Variants in HS6ST3 observed in about 807,000 individuals in gnomAD.
HS6ST3 encodes the protein heparan sulfate 6-O-sulfotransferase 3.
HS6ST3 carries 12 observed loss-of-function variants against 36.7 expected under a neutral mutation model. That is an observed-to-expected ratio of 0.33 (90% CI 0.21 to 0.53). The LOEUF is 0.53. Ranked by LOEUF, HS6ST3 falls within the 20% of genes least tolerant of loss-of-function variation. The pLI is 0.95. For synonymous variants in HS6ST3, 240 were observed against 257.5 expected, an observed-to-expected ratio of 0.93 and a Z score of 0.65; for missense variants, 584 against 640.9, an observed-to-expected ratio of 0.91 and a Z score of 0.96.
intron 1 of HS6ST3, among the ~76,000 whole-genome samples, chr13:96,201,679 T>C (rs970731074): frequency 9.8e-5 from 15 of 152,288 alleles, no homozygotes; most frequent in African/African-American, 3.6e-4. Context: ...ATCCCCTGCT[T>C]TTAGAACGTT....
intron 1 of HS6ST3, among the ~76,000 whole-genome samples, chr13:96,737,183 AG>A (rs1876305275): frequency 6.6e-6 from 1 of 152,228 alleles, no homozygotes; most frequent in Admixed American, 6.5e-5. Context: ...ATTGACAGTA[AG>A]TACAAATGCA....
intron 1 of HS6ST3, among the ~76,000 whole-genome samples, chr13:96,465,054 A>G (rs906530866): frequency 6.6e-6 from 1 of 152,056 alleles, no homozygotes; most frequent in African/African-American, 2.4e-5. Context: ...CTCAATAGTT[A>G]TAAGTAGGCA....
intron 1 of HS6ST3, among the ~76,000 whole-genome samples, chr13:96,313,943 G>C (rs2139410555): frequency 6.6e-6 from 1 of 152,312 alleles, no homozygotes; most frequent in East Asian, 1.9e-4. Context: ...GTTCATGCCT[G>C]TAATCCCAGC....
intron 1 of HS6ST3, among the ~76,000 whole-genome samples, chr13:96,402,726 A>G (rs2139458270): frequency 6.6e-6 from 1 of 152,204 alleles, no homozygotes; most frequent in Admixed American, 6.5e-5. Flanking sequence ...TTCGACATTC[A>G]CTCATGTGGT....
intron 1 of HS6ST3, among the ~76,000 whole-genome samples, chr13:96,399,600 A>G (rs149030652): frequency 6.6e-6 from 1 of 152,366 alleles, no homozygotes; most frequent in African/African-American, 2.4e-5. Flanking sequence ...GTACAAATAT[A>G]AATAAAATAT....
chr13:96,152,428 C>T (rs1378277650), intron 1 of HS6ST3, among the ~76,000 whole-genome samples: 2 of 151,210 alleles, frequency 1.3e-5, no homozygotes, highest in African/African-American at 2.4e-5. Flanking sequence ...AGCTCCGCCT[C>T]CCGGGTTCTC....
intron 1 of HS6ST3, among the ~76,000 whole-genome samples, chr13:96,172,644 A>G (rs1180561243): frequency 6.6e-6 from 1 of 152,228 alleles, no homozygotes; most frequent in Admixed American, 6.5e-5. Context: ...AAACTTCCTT[A>G]AAACAGTCAC....
chr13:96,818,394 G>T (rs1190909400), intron 1 of HS6ST3, among the ~76,000 whole-genome samples: 1 of 152,176 alleles, frequency 6.6e-6, no homozygotes, highest in Non-Finnish European at 1.5e-5. Context: ...CCTGATTAGG[G>T]CTCTGCATTA....
intron 1 of HS6ST3, among the ~76,000 whole-genome samples, chr13:96,124,670 A>C (rs1284460456): frequency 6.6e-6 from 1 of 152,180 alleles, no homozygotes; most frequent in Non-Finnish European, 1.5e-5. Context: ...GGGCATAACC[A>C]GGTAAAGAAT....
chr13:96,193,396 G>T (rs1197650122), intron 1 of HS6ST3, among the ~76,000 whole-genome samples: 1 of 152,116 alleles, frequency 6.6e-6, no homozygotes, highest in Admixed American at 6.5e-5. Flanking sequence ...AGGTAGTGTA[G>T]ATAACTAAAA....
At chr13:96,799,980 A>ATGTATATATATATATGTG (rs1566456834) in intron 1 of HS6ST3, among the ~76,000 whole-genome samples, 1,059 of 76,524 alleles carry the variant, frequency 0.014, 75 homozygotes, top group African/African-American at 0.04. Context: ...ATATATATAT[A>ATGTATATATATATATGTG]TGTATATATA....
chr13:96,531,205 C>T (rs989618454), intron 1 of HS6ST3, among the ~76,000 whole-genome samples: 12 of 152,178 alleles, frequency 7.9e-5, no homozygotes, highest in Admixed American at 2.0e-4. Flanking sequence ...AGTAAAAGTT[C>T]GGAAATCCCT....
At chr13:96,699,515 A>G (rs1165531665) in intron 1 of HS6ST3, among the ~76,000 whole-genome samples, 1 of 152,232 alleles carries the variant, frequency 6.6e-6, no homozygotes, top group East Asian at 1.9e-4. Flanking sequence ...ATCACTGGCC[A>G]TCAGAGAAAT....
chr13:96,553,121 G>T (rs1426924310), intron 1 of HS6ST3, among the ~76,000 whole-genome samples: 1 of 152,126 alleles, frequency 6.6e-6, no homozygotes, highest in Non-Finnish European at 1.5e-5. Flanking sequence ...TGTTTTTGAA[G>T]GAGTCTGTGT....
chr13:96,795,441 A>G (rs888971756), intron 1 of HS6ST3, among the ~76,000 whole-genome samples: 26 of 152,098 alleles, frequency 1.7e-4, no homozygotes, highest in Non-Finnish European at 3.4e-4. Flanking sequence ...AAGAGGTTAT[A>G]TAACTTTCCC....
At chr13:96,544,013 T>G (rs560577737) in intron 1 of HS6ST3, among the ~76,000 whole-genome samples, 3 of 151,480 alleles carry the variant, frequency 2.0e-5, no homozygotes, top group Non-Finnish European at 4.4e-5. Flanking sequence ...GTAAGGGAGA[T>G]CAGGCATAAC....
At chr13:96,801,183 G>C (rs1244747735) in intron 1 of HS6ST3, among the ~76,000 whole-genome samples, 2 of 151,996 alleles carry the variant, frequency 1.3e-5, no homozygotes, top group African/African-American at 4.8e-5. Flanking sequence ...TTACATCAAG[G>C]CTGCTCCATC....
At chr13:96,573,871 G>T in intron 1 of HS6ST3, 1 of 466,632 alleles carries the variant, frequency 2.1e-6, no homozygotes, top group South Asian at 1.6e-5. Flanking sequence ...CCAGCATCAG[G>T]AGCACTGAGC....
chr13:96,112,613 A>ATATATATATATG (rs2053875675), intron 1 of HS6ST3, among the ~76,000 whole-genome samples: 8 of 110,730 alleles, frequency 7.2e-5, no homozygotes, highest in African/African-American at 1.6e-4. Context: ...ATATATATAT[A>ATATATATATATG]TATATATATG....
Sources: allele counts gnomAD v4.1 joint callset (sites outside exome capture counted in the v4.1 genomes callset), GRCh38; gene constraint gnomAD v4.1.1; transcripts MANE v1.5; gene names NCBI Gene and HGNC (gene_info 2026-07-23, HGNC 2026-07-21).